The following GALNT18 variants were observed in gnomAD, a reference collection of about 807,000 sequenced individuals.
The protein encoded by GALNT18 is polypeptide N-acetylgalactosaminyltransferase 18, also known as GalNAc-transferase 18.
Under a neutral mutation model 69.5 loss-of-function variants are expected in GALNT18, and 44 were observed. The observed-to-expected ratio is 0.63, with a 90% CI of 0.50 to 0.81. GALNT18 has a LOEUF of 0.81. Ranked by LOEUF, GALNT18 falls within the 40% of genes least tolerant of loss-of-function variation. GALNT18 has a pLI of 0.00. For synonymous variants in GALNT18, 364 were observed against 318.2 expected (o/e 1.14, Z -1.53); for missense variants, 715 against 810.0 (o/e 0.88, Z 1.42).
At chr11:11,276,474 A>G (rs1202953378) in intron 10 of GALNT18, among the ~76,000 whole-genome samples, 1 of 152,110 alleles carries the variant, frequency 6.6e-6, no homozygotes, top group Non-Finnish European at 1.5e-5. Flanking sequence ...TCATCTGCAA[A>G]CAGAGGCAAT....
chr11:11,620,287 G>A lies in GALNT18; in HGVS notation c.235+1072C>T, dbSNP rs902974689. ...TCACACACCTGGAAGAAAGCAGGGG[G>A]CGCGGGGAGGGGAGGAAGTGTGGAC... On this transcript the variant is annotated intron_variant, in intron 1 of 10. Transcript: ENST00000227756. The surrounding 1 kb of genome is among the most constrained non-coding windows in gnomAD (Gnocchi z 6.9). Among the ~76,000 whole-genome samples the A allele has an allele frequency of 8.0e-5, 12 of 149,874 alleles. No homozygotes were observed. Among genetic ancestry groups the A allele is most frequent in the Admixed American group, 6.6e-4 (10 of 15,094 alleles).
chr11:11,319,792 G>A (rs1427994479), intron 9 of GALNT18, among the ~76,000 whole-genome samples: 8 of 152,088 alleles, frequency 5.3e-5, no homozygotes, highest in East Asian at 1.9e-4. Context: ...GAGTTTTAAC[G>A]TCCCCCTTAA....
intron 10 of GALNT18, among the ~76,000 whole-genome samples, chr11:11,277,448 C>G (rs1482139724): frequency 2.0e-5 from 3 of 152,066 alleles, no homozygotes; most frequent in African/African-American, 7.2e-5. Context: ...TTTCAAAAAA[C>G]CAGCCCCTGG....
chr11:11,377,418 C>A lies in GALNT18; in HGVS notation c.780-39G>T. ...AGACAGCCAGAGAGGGTAACCATTTCCAAGGTGGAAAAATCCAGAGTAGCA... is the reference window on the plus strand; with the variant it reads ...AGACAGCCAGAGAGGGTAACCATTTACAAGGTGGAAAAATCCAGAGTAGCA... On this transcript the variant is annotated intron_variant, in intron 4 of 10. Coordinates refer to ENST00000227756, the MANE Select transcript of GALNT18 (RefSeq NM_198516.3). This position sits in a 1 kb window ranked among gnomAD's most constrained non-coding sequence, Gnocchi z 4.6. 6.3e-7 allele frequency: 1 copy of A among 1,596,986 alleles called. No homozygotes were observed. Among genetic ancestry groups the A allele is most frequent in the South Asian group, 1.1e-5 (1 of 90,624 alleles).
chr11:11,467,221 C>T (rs1213227979), intron 1 of GALNT18, among the ~76,000 whole-genome samples: 1 of 152,186 alleles, frequency 6.6e-6, no homozygotes, highest in Non-Finnish European at 1.5e-5. Context: ...CACTGACACG[C>T]AGAAGCCACA....
intron 1 of GALNT18, among the ~76,000 whole-genome samples, chr11:11,490,552 A>T (rs1173599275): frequency 1.3e-5 from 2 of 152,250 alleles, no homozygotes; most frequent in Non-Finnish European, 1.5e-5. Flanking sequence ...TATTAAACAC[A>T]TAAGAAATGA....
rs1435089595 is a variant in GALNT18, at chr11:11,617,785, T to G, written c.235+3574A>C. On this transcript the variant is annotated intron_variant, in intron 1 of 10. Transcript: ENST00000227756. This position sits in a 1 kb window ranked among gnomAD's most constrained non-coding sequence, Gnocchi z 4.7. ...GAATCAACATTTCCATTTCCTGCAC[T>G]CTCCAACACTGAGAACTCCTTTAGC... 6.6e-6 allele frequency among the ~76,000 whole-genome samples: 1 copy of G among 152,204 alleles called. No homozygotes were observed. Among genetic ancestry groups the G allele is most frequent in the East Asian group, 1.9e-4 (1 of 5,196 alleles).
At position 11,556,727 on chromosome 11, in the gene GALNT18, G is replaced by A. The variant is rs1250512526; in HGVS notation, c.235+64632C>T. The stretch of plus-strand genomic sequence containing the variant: ...AACAAACATTTCACGATATGTCAAT[G>A]TACACTACCATTATCTTTAGCTAAC... On this transcript the variant is annotated intron_variant, in intron 1 of 10. Transcript: ENST00000227756. Among the ~76,000 whole-genome samples the A allele has an allele frequency of 2.0e-5, 3 of 152,154 alleles. No individual in the cohort carries two copies. In the East Asian group the frequency reaches 5.8e-4, roughly 29 times the overall value.
Position 11,591,755 on chromosome 11 carries a change from T to C in GALNT18, c.235+29604A>G, listed in dbSNP as rs1385839080. On this transcript the variant is annotated intron_variant, in intron 1 of 10. Coordinates refer to ENST00000227756, the MANE Select transcript of GALNT18 (RefSeq NM_198516.3). This position sits in a 1 kb window ranked among gnomAD's most constrained non-coding sequence, Gnocchi z 4.8. ...AATGAGCCCAGCCATACAGATGTGC[T>C]CCCATACCCTTTGAAGGGACAAAAA... 6.6e-6 allele frequency among the ~76,000 whole-genome samples: 1 copy of C among 152,216 alleles called. No individual in the cohort carries two copies. The highest frequency in any genetic ancestry group is 1.5e-5 in the Non-Finnish European group (1 of 68,034).
At chr11:11,380,357 T>C (rs570476131) in intron 3 of GALNT18, among the ~76,000 whole-genome samples, 1 of 152,358 alleles carries the variant, frequency 6.6e-6, no homozygotes, top group East Asian at 1.9e-4. Context: ...AGTTCTTCCT[T>C]GTGTTTCCGC....
chr11:11,543,816 G>T lies in GALNT18; in HGVS notation c.235+77543C>A, dbSNP rs1212199025. ...GCCACGGTGGGTGGGTGTGGTTATT[G>T]CTCCCATTTCTTCTTCTGGCGCTCT... On this transcript the variant is annotated intron_variant, in intron 1 of 10. Coordinates refer to ENST00000227756, the MANE Select transcript of GALNT18 (RefSeq NM_198516.3). The surrounding 1 kb of genome is among the most constrained non-coding windows in gnomAD (Gnocchi z 5.1). Among the ~76,000 whole-genome samples the T allele has an allele frequency of 6.6e-6, 1 of 152,166 alleles. No individual in the cohort carries two copies. The highest frequency in any genetic ancestry group is 2.4e-5 in the African/African-American group (1 of 41,440).
At chr11:11,486,816 C>G (rs371644262) in intron 1 of GALNT18, among the ~76,000 whole-genome samples, 1 of 152,214 alleles carries the variant, frequency 6.6e-6, no homozygotes, top group African/African-American at 2.4e-5. Context: ...GCTCCTCCCC[C>G]AGCACAGCCA....
At chr11:11,408,364 CAAAAAAAAAA>C (rs57957956) in intron 3 of GALNT18, among the ~76,000 whole-genome samples, 2 of 70,896 alleles carry the variant, frequency 2.8e-5, no homozygotes, top group Admixed American at 1.5e-4. Context: ...GACTTCATCT[CAAAAAAAAAA>C]AAAAAAAAAA....
intron 6 of GALNT18, among the ~76,000 whole-genome samples, chr11:11,363,912 T>C (rs7946518): frequency 0.16 from 24,395 of 151,090 alleles, 2,209 homozygotes; most frequent in Middle Eastern, 0.24. Flanking sequence ...AAAGGACCCA[T>C]GGACAAATGT....
At chr11:11,482,824 G>C (rs1202394517) in intron 1 of GALNT18, among the ~76,000 whole-genome samples, 1 of 152,052 alleles carries the variant, frequency 6.6e-6, no homozygotes, top group African/African-American at 2.4e-5. Flanking sequence ...TCCAAGGTCA[G>C]ATGCACAGGG....
rs971864959 is a variant in GALNT18 at position 11,347,484 on chromosome 11, A to T, written c.1093-6480T>A. Among the ~76,000 whole-genome samples, 3 of 152,188 alleles carry T rather than the reference A, an allele frequency of 2.0e-5. No individual in the cohort carries two copies. Among genetic ancestry groups the T allele is most frequent in the Admixed American group, 1.3e-4 (2 of 15,280 alleles). On this transcript the variant is annotated intron_variant, in intron 6 of 10. Coordinates refer to ENST00000227756, the MANE Select transcript of GALNT18 (RefSeq NM_198516.3). The surrounding 1 kb of genome is among the most constrained non-coding windows in gnomAD (Gnocchi z 4.0). The stretch of plus-strand genomic sequence containing the variant: ...GAGGCTCTGTCCAGTCTCAGTGGAG[A>T]AGTATGCCACAATTTATTCATTACG...
intron 10 of GALNT18, among the ~76,000 whole-genome samples, chr11:11,279,927 C>G (rs1226207438): frequency 2.0e-5 from 3 of 151,778 alleles, no homozygotes; most frequent in Non-Finnish European, 4.4e-5. Flanking sequence ...AAATCCAGCT[C>G]CCTGAGAAGG....
Position 11,430,264 on chromosome 11 carries a change from A to T in GALNT18, c.595+2357T>A, listed in dbSNP as rs1351063088. Among the ~76,000 whole-genome samples the T allele has an allele frequency of 6.6e-6, 1 of 152,246 alleles. No homozygotes were observed. Among genetic ancestry groups the T allele is most frequent in the African/African-American group, 2.4e-5 (1 of 41,468 alleles). On this transcript the variant is annotated intron_variant, in intron 3 of 10. Transcript: ENST00000227756. This position sits in a 1 kb window ranked among gnomAD's most constrained non-coding sequence, Gnocchi z 4.9. The stretch of plus-strand genomic sequence containing the variant: ...ACTTAATATTTTGAAGTAATTATAG[A>T]TTCACAAAAGTGTACAAGAAGGTTT...
intron 10 of GALNT18, among the ~76,000 whole-genome samples, chr11:11,277,239 G>A (rs554127693): frequency 1.3e-5 from 2 of 152,238 alleles, no homozygotes; most frequent in South Asian, 4.2e-4. Flanking sequence ...CTTAGTCTTG[G>A]GAGGGTGTAT....
Sources: gnomAD v4.1 joint callset for allele counts (sites outside exome capture counted in the v4.1 genomes callset) on GRCh38, gnomAD v4.1.1 for gene constraint, Gnocchi (gnomAD v3.1) non-coding constraint, MANE v1.5 for transcripts, NCBI Gene and HGNC (gene_info 2026-07-23, HGNC 2026-07-21) for gene names.